KCNC1: variants seen among roughly 807,000 people sequenced by gnomAD.
KCNC1 encodes voltage-gated potassium channel KCNC1.
In KCNC1, 8 loss-of-function variants were observed where a neutral mutation model predicts 43.4. That is an observed-to-expected ratio of 0.18 (90% CI 0.11 to 0.33). The LOEUF (loss-of-function observed/expected upper bound fraction) is 0.33, where lower values mean the gene tolerates loss of function less well. Among genes scored for constraint, KCNC1 ranks in the 10% least tolerant of loss-of-function variants. KCNC1 has a pLI of 1.00. For synonymous variants in KCNC1, 361 were observed against 360.5 expected (o/e 1.00, Z -0.01); for missense variants, 420 against 836.0 (o/e 0.50, Z 6.14).
In KCNC1 at chr11:17,735,944, C is replaced by G. The variant is rs1290121358; in HGVS notation, c.-59C>G. 1.4e-6 allele frequency: 2 copies of G among 1,381,208 alleles called. No individual in the cohort carries two copies. The highest frequency in any genetic ancestry group is 3.7e-5 in the Admixed American group (1 of 27,354). The allele number at this position is 1,381,208 out of a possible 1,614,324, so 85.6% of individuals were successfully genotyped here. A position where few individuals can be genotyped will look rare whatever the true frequency, so the allele number is the denominator to read the frequency against. On this transcript the variant is annotated 5_prime_UTR_variant, in exon 1 of 4. Transcript: ENST00000265969. The surrounding 1 kb of genome is among the most constrained non-coding windows in gnomAD (Gnocchi z 6.7). ...CGCCCCCCTCCCCGGCGCCAACTCC[C>G]CCTGGCGGCCGCTCCCATGGGTGTC... is the stretch of plus-strand genomic sequence containing the variant.
At chr11:17,764,265 GCACA>G (rs1403619422) in intron 1 of KCNC1, among the ~76,000 whole-genome samples, 1 of 131,062 alleles carries the variant, frequency 7.6e-6, no homozygotes, top group Non-Finnish European at 1.6e-5. Flanking sequence ...ACACACCACC[GCACA>G]CAAAGTTCCA....
intron 1 of KCNC1, among the ~76,000 whole-genome samples, chr11:17,745,587 G>T (rs1848890066): frequency 1.3e-5 from 2 of 152,128 alleles, no homozygotes; most frequent in Admixed American, 1.3e-4. Context: ...TCTCACGCTG[G>T]GGTCTGGGCT....
At chr11:17,745,837 C>T (rs1418572399) in intron 1 of KCNC1, among the ~76,000 whole-genome samples, 1 of 152,196 alleles carries the variant, frequency 6.6e-6, no homozygotes, top group Non-Finnish European at 1.5e-5. Context: ...TGACACTTCT[C>T]CGGCCCCTTC....
intron 1 of KCNC1, among the ~76,000 whole-genome samples, chr11:17,760,376 G>A (rs1849064409): frequency 6.6e-6 from 1 of 152,182 alleles, no homozygotes; most frequent in Non-Finnish European, 1.5e-5. Context: ...TGGGATCCTG[G>A]TATTGCTCCA....
chr11:17,756,021 G>A (rs1030185459), intron 1 of KCNC1, among the ~76,000 whole-genome samples: 7 of 152,146 alleles, frequency 4.6e-5, no homozygotes, highest in Non-Finnish European at 1.0e-4. Flanking sequence ...GAGGCTATGC[G>A]GTCCCAGGAA....
In KCNC1 at chr11:17,779,811, T is replaced by TC. The variant is rs764648900; in HGVS notation, c.1693+173dup. 2 of 497,792 alleles carry TC rather than the reference T, an allele frequency of 4.0e-6. No individual in the cohort carries two copies. Among genetic ancestry groups the TC allele is most frequent in the Non-Finnish European group, 6.8e-6 (2 of 294,012 alleles). 30.8% of individuals were successfully genotyped at this position (497,792 alleles called of 1,614,324 possible). ...TCGGCCCCTGGAGGGCTGAGGCCCT[T>TC]CCCCCCAAGTGAGATGTCAGGCTGG... is the stretch of plus-strand genomic sequence containing the variant. On this transcript the variant is annotated intron_variant, in intron 3 of 3. Transcript: ENST00000265969. The surrounding 1 kb of genome is among the most constrained non-coding windows in gnomAD (Gnocchi z 7.2).
chr11:17,761,039 C>G (rs1849072220), intron 1 of KCNC1, among the ~76,000 whole-genome samples: 1 of 152,226 alleles, frequency 6.6e-6, no homozygotes, highest in Admixed American at 6.5e-5. Context: ...ACACCCAAGA[C>G]AGGCAGGGGT....
rs750706493 is a variant in KCNC1, at chr11:17,768,622, G to C, written c.571-3043G>C. ...GAGAATGGATGTTGGTGGGGGGGGG[G>C]GCGGTTTGGGAATGGGATGTCCTGG... On this transcript the variant is annotated intron_variant, in intron 1 of 3. Transcript: ENST00000265969. Among the ~76,000 whole-genome samples, 24 of 150,850 alleles carry C rather than the reference G, an allele frequency of 1.6e-4. 1 individual carries two copies. The highest frequency in any genetic ancestry group is 3.9e-4 in the East Asian group (2 of 5,136).
Position 17,739,873 on chromosome 11 carries a change from G to T in KCNC1, c.570+3301G>T, listed in dbSNP as rs1421803168. Among the ~76,000 whole-genome samples the T allele has an allele frequency of 6.6e-6, 1 of 152,102 alleles. No individual in the cohort carries two copies. Among genetic ancestry groups the T allele is most frequent in the African/African-American group, 2.4e-5 (1 of 41,398 alleles). On this transcript the variant is annotated intron_variant, in intron 1 of 3. Transcript: ENST00000265969. This position sits in a 1 kb window ranked among gnomAD's most constrained non-coding sequence, Gnocchi z 4.2. ...GTGTGTCAGTGTGCTGTGTGTATGT[G>T]AGAGAGAGGTCCTGTGCATCCCGAG...
intron 1 of KCNC1, among the ~76,000 whole-genome samples, chr11:17,755,837 T>C (rs1408204269): frequency 6.6e-6 from 1 of 152,078 alleles, no homozygotes; most frequent in East Asian, 1.9e-4. Context: ...TGTTTATGGG[T>C]ATTTGAATGA....
intron 1 of KCNC1, among the ~76,000 whole-genome samples, chr11:17,737,122 A>G (rs996487631): frequency 1.3e-5 from 2 of 151,898 alleles, no homozygotes; most frequent in South Asian, 4.2e-4. Flanking sequence ...CCCCCTCCTC[A>G]GGGAGCAGCC....
intron 1 of KCNC1, among the ~76,000 whole-genome samples, chr11:17,743,567 G>C (rs542137640): frequency 6.6e-6 from 1 of 152,308 alleles, no homozygotes; most frequent in African/African-American, 2.4e-5. Context: ...GCAGCCCCTG[G>C]GACTCCATAT....
In KCNC1 at chr11:17,777,719, G is replaced by T. The variant is rs892800940; in HGVS notation, c.1505-1737G>T. The T allele has an allele frequency of 3.0e-6, 3 of 985,908 alleles. No homozygotes were observed. The highest frequency in any genetic ancestry group is 3.6e-6 in the Non-Finnish European group (3 of 829,978). 61.1% of individuals were successfully genotyped at this position (985,908 alleles called of 1,614,324 possible). On this transcript the variant is annotated intron_variant, in intron 2 of 3. Transcript: ENST00000265969. The surrounding 1 kb of genome is among the most constrained non-coding windows in gnomAD (Gnocchi z 4.3). ...ATTTGTCGAGAAACGCACTGTACGTGAAATGCTTTGCCATCTTGTACGAAA... is the reference window on the plus strand; with the variant it reads ...ATTTGTCGAGAAACGCACTGTACGTTAAATGCTTTGCCATCTTGTACGAAA...
chr11:17,773,741 A>G lies in KCNC1; in HGVS notation c.1504+1143A>G. ...CCCATAGTCTACCTCTACCCATGGAATACCATCGACTTATTCTGTGGACAC... is the reference window on the plus strand; with the variant it reads ...CCCATAGTCTACCTCTACCCATGGAGTACCATCGACTTATTCTGTGGACAC... On this transcript the variant is annotated intron_variant, in intron 2 of 3. Coordinates refer to ENST00000265969, the MANE Select transcript of KCNC1 (RefSeq NM_001112741.2). This position sits in a 1 kb window ranked among gnomAD's most constrained non-coding sequence, Gnocchi z 4.1. 1.0e-6 allele frequency: 1 copy of G among 985,494 alleles called. No individual in the cohort carries two copies. The highest frequency in any genetic ancestry group is 1.2e-6 in the Non-Finnish European group (1 of 829,944). 61.0% of individuals were successfully genotyped at this position (985,494 alleles called of 1,614,324 possible).
At position 17,781,516 on chromosome 11, in the gene KCNC1, G is replaced by C; in HGVS notation, c.1694-154G>C. ...GAAAGAGGCGTGCTAGGCTGGCTCA[G>C]TGCATGGGCAAACCAAGCCAGCTGG... On this transcript the variant is annotated intron_variant, in intron 3 of 3. Transcript: ENST00000265969. This position sits in a 1 kb window ranked among gnomAD's most constrained non-coding sequence, Gnocchi z 5.1. The C allele has an allele frequency of 1.6e-6, 1 of 632,726 alleles. No homozygotes were observed. The highest frequency in any genetic ancestry group is 2.9e-6 in the Non-Finnish European group (1 of 350,060). The allele number at this position is 632,726 out of a possible 1,614,324, so 39.2% of individuals were successfully genotyped here.
At chr11:17,767,551 G>A (rs551146005) in intron 1 of KCNC1, among the ~76,000 whole-genome samples, 27 of 152,268 alleles carry the variant, frequency 1.8e-4, no homozygotes, top group African/African-American at 5.1e-4. Flanking sequence ...CTGGGGCTTC[G>A]TTGCTCTTGC....
intron 1 of KCNC1, among the ~76,000 whole-genome samples, chr11:17,738,742 A>G (rs1848799143): frequency 6.6e-6 from 1 of 152,210 alleles, no homozygotes; most frequent in Admixed American, 6.5e-5. Context: ...TCTTGAAAAA[A>G]ATCTCTGAAG....
chr11:17,739,441 CAG>C lies in KCNC1; in HGVS notation c.570+2870_570+2871del, dbSNP rs1226354280. On this transcript the variant is annotated intron_variant, in intron 1 of 3. Coordinates refer to ENST00000265969, the MANE Select transcript of KCNC1 (RefSeq NM_001112741.2). The surrounding 1 kb of genome is among the most constrained non-coding windows in gnomAD (Gnocchi z 4.2). ...GTGCGAGCTTCCTGAGTCCTTGTGTCAGGGGTTGTGTGTGTGAGAGAGGCGGA... is the reference window on the plus strand; with the variant it reads ...GTGCGAGCTTCCTGAGTCCTTGTGTCGGGTTGTGTGTGTGAGAGAGGCGGA... Among the ~76,000 whole-genome samples the C allele has an allele frequency of 1.2e-4, 17 of 139,794 alleles. No homozygotes were observed. In the East Asian group the frequency reaches 1.5e-3, roughly 13 times the overall value. The allele number at this position is 139,794 out of a possible 152,430, so 91.7% of individuals were successfully genotyped here. A position where few individuals can be genotyped will look rare whatever the true frequency, so the allele number is the denominator to read the frequency against.
At chr11:17,769,580 G>A (rs964489615) in intron 1 of KCNC1, among the ~76,000 whole-genome samples, 1 of 152,038 alleles carries the variant, frequency 6.6e-6, no homozygotes, top group Non-Finnish European at 1.5e-5. Flanking sequence ...GGTGGCTTTC[G>A]CCTGTAATCC....
Sources: allele counts gnomAD v4.1 joint callset (sites outside exome capture counted in the v4.1 genomes callset), GRCh38; gene constraint gnomAD v4.1.1; non-coding constraint Gnocchi (gnomAD v3.1); transcripts MANE v1.5; gene names NCBI Gene and HGNC (gene_info 2026-07-23, HGNC 2026-07-21).